Variants in ADGRL2 observed in about 807,000 individuals in gnomAD.
ADGRL2 encodes adhesion G protein-coupled receptor L2.
A neutral mutation model predicts 157.4 loss-of-function variants in ADGRL2; 44 were observed. That is an observed-to-expected ratio of 0.28 (90% confidence interval 0.22 to 0.36). The LOEUF is 0.36. Among genes scored for constraint, ADGRL2 ranks in the 10% least tolerant of loss-of-function variants. The pLI is 1.00. For synonymous variants in ADGRL2, 585 were observed against 624.7 expected, an observed-to-expected ratio of 0.94 and a Z score of 0.95; for missense variants, 1,510 against 1,768.9, an observed-to-expected ratio of 0.85 and a Z score of 2.63.
intron 1 of ADGRL2, among the ~76,000 whole-genome samples, chr1:81,725,611 C>T (rs558434912): frequency 6.6e-6 from 1 of 152,160 alleles, no homozygotes; most frequent in African/African-American, 2.4e-5. Context: ...ATATGTTCTC[C>T]TTTCTCAAAA....
chr1:81,372,375 A>G (rs12403011), intron 1 of ADGRL2, among the ~76,000 whole-genome samples: 79,468 of 152,044 alleles, frequency 0.52, 23,026 homozygotes, highest in East Asian at 0.72. Context: ...ATAATTGCAC[A>G]TTATGTAAGG....
intron 1 of ADGRL2, among the ~76,000 whole-genome samples, chr1:81,358,559 A>G (rs1039693461): frequency 1.3e-5 from 2 of 152,156 alleles, no homozygotes; most frequent in South Asian, 4.1e-4. Context: ...GAGATATAGA[A>G]CATATGAAAT....
Position 81,376,656 on chromosome 1 carries a change from T to A in ADGRL2, c.-301-68380T>A, listed in dbSNP as rs547510950. On this transcript the variant is annotated intron_variant, in intron 1 of 24. Transcript: ENST00000370721. ...TTCTTTATTCACTCTCTCCCTCCCA[T>A]ATCGCTTGTCAATTATCCACCCCTC... Among the ~76,000 whole-genome samples the A allele has an allele frequency of 6.8e-4, 101 of 149,586 alleles. 1 individual carries two copies. The highest frequency in any genetic ancestry group is 2.0e-3 in the Admixed American group (30 of 14,990).
chr1:81,663,363 C>G (rs1366188795), intron 3 of ADGRL2, among the ~76,000 whole-genome samples: 1 of 152,124 alleles, frequency 6.6e-6, no homozygotes, highest in African/African-American at 2.4e-5. Context: ...TCCCACCTCC[C>G]GGATCCATAC....
intron 1 of ADGRL2, among the ~76,000 whole-genome samples, chr1:81,747,587 C>T (rs1305963550): frequency 1.3e-5 from 2 of 151,934 alleles, no homozygotes; most frequent in African/African-American, 4.8e-5. Flanking sequence ...CAGGTGTGAG[C>T]CACCATGCCC....
chr1:81,806,443 C>A (rs1366866909), intron 1 of ADGRL2, among the ~76,000 whole-genome samples: 2 of 151,784 alleles, frequency 1.3e-5, no homozygotes, highest in Non-Finnish European at 2.9e-5. Flanking sequence ...CTAAGGTTTA[C>A]TTAGGGTTAA....
intron 1 of ADGRL2, among the ~76,000 whole-genome samples, chr1:81,381,408 G>T (rs2076342257): frequency 6.6e-6 from 1 of 151,902 alleles, no homozygotes; most frequent in African/African-American, 2.4e-5. Context: ...CTTTCCCCTT[G>T]TTTAAGAAAT....
At chr1:81,779,980 T>G (rs1359236090) in intron 2 of ADGRL2, among the ~76,000 whole-genome samples, 1 of 152,208 alleles carries the variant, frequency 6.6e-6, no homozygotes, top group Non-Finnish European at 1.5e-5. Flanking sequence ...TAAGATATGT[T>G]GCAGCTCTGC....
intron 6 of ADGRL2, among the ~76,000 whole-genome samples, chr1:81,945,269 A>T (rs190982916): frequency 2.0e-5 from 3 of 152,176 alleles, no homozygotes; most frequent in Admixed American, 2.0e-4. Context: ...GGTTTGTCAA[A>T]AGGCAAACTT....
At chr1:81,586,112 GATT>G (rs1202020073) in intron 3 of ADGRL2, 1 of 151,940 alleles carries the variant, frequency 6.6e-6, no homozygotes, top group African/African-American at 2.4e-5. Flanking sequence ...CACCATTACA[GATT>G]ATTATTAATG....
intron 2 of ADGRL2, among the ~76,000 whole-genome samples, chr1:81,567,219 A>G (rs2080582548): frequency 1.3e-5 from 2 of 152,300 alleles, no homozygotes; most frequent in South Asian, 4.1e-4. Context: ...TCAACATAGT[A>G]GTCACTATCA....
chr1:81,524,524 CAA>C (rs1257614253), intron 2 of ADGRL2, among the ~76,000 whole-genome samples: 1 of 151,104 alleles, frequency 6.6e-6, no homozygotes, highest in African/African-American at 2.4e-5. Flanking sequence ...TGTATAAAAG[CAA>C]AAGATAGGAA....
At chr1:81,810,798 A>G (rs1458984893) in intron 1 of ADGRL2, among the ~76,000 whole-genome samples, 2 of 151,926 alleles carry the variant, frequency 1.3e-5, no homozygotes, top group Non-Finnish European at 2.9e-5. Context: ...GCATAATTCT[A>G]AAACACGTCA....
At chr1:81,345,070 T>A (rs1055991381) in intron 1 of ADGRL2, among the ~76,000 whole-genome samples, 1 of 152,160 alleles carries the variant, frequency 6.6e-6, no homozygotes, top group Non-Finnish European at 1.5e-5. Flanking sequence ...ATAAATAATA[T>A]TATATTTTTC....
intron 3 of ADGRL2, among the ~76,000 whole-genome samples, chr1:81,934,223 C>T (rs1362925035): frequency 1.3e-5 from 2 of 151,924 alleles, no homozygotes; most frequent in African/African-American, 4.8e-5. Context: ...TTAATTTGAA[C>T]CTGTAATTGG....
Position 81,993,331 on chromosome 1 carries a change from C to T in ADGRL2, c.*2186C>T, listed in dbSNP as rs1274227771. On this transcript the variant is annotated 3_prime_UTR_variant, in exon 24 of 24. Transcript: ENST00000686636. Reference sequence around the variant, plus strand: ...ATTTTTAATTTTCCATCTTGTTATACTTTTTATTTTAAATGCCTAAAACCA... The same window carrying T: ...ATTTTTAATTTTCCATCTTGTTATATTTTTTATTTTAAATGCCTAAAACCA... Among the ~76,000 whole-genome samples, 2 of 151,370 alleles carry T rather than the reference C, an allele frequency of 1.3e-5. No individual in the cohort carries two copies. The highest frequency in any genetic ancestry group is 2.9e-5 in the Non-Finnish European group (2 of 67,868).
intron 3 of ADGRL2, among the ~76,000 whole-genome samples, chr1:81,692,098 T>C (rs2083352370): frequency 6.6e-6 from 1 of 151,718 alleles, no homozygotes; most frequent in Admixed American, 6.6e-5. Context: ...TTTTCCTCAG[T>C]ATATATATGT....
At chr1:81,697,757 T>C (rs964514961), upstream of ADGRL2, among the ~76,000 whole-genome samples, 3 of 152,174 alleles carry the variant, frequency 2.0e-5, no homozygotes, top group Non-Finnish European at 4.4e-5. Context: ...CAGAATTTGG[T>C]ATGAAAAAGA....
intron 1 of ADGRL2, among the ~76,000 whole-genome samples, chr1:81,749,798 T>C (rs2085428600): frequency 6.6e-6 from 1 of 152,208 alleles, no homozygotes; most frequent in African/African-American, 2.4e-5. Context: ...AGGTAATATA[T>C]AAGTATGGGA....
Sources: gnomAD v4.1 joint callset for allele counts (sites outside exome capture counted in the v4.1 genomes callset) on GRCh38, gnomAD v4.1.1 for gene constraint, MANE v1.5 for transcripts, NCBI Gene and HGNC (gene_info 2026-07-23, HGNC 2026-07-21) for gene names.